RIN3: variants seen among roughly 807,000 people sequenced by gnomAD.
The protein encoded by RIN3 is Ras and Rab interactor 3, also known as RAB5 interacting protein 3.
Under a neutral mutation model 76.3 loss-of-function variants are expected in RIN3, and 54 were observed. The observed-to-expected ratio is 0.71, with a 90% CI of 0.57 to 0.89. The LOEUF is 0.89. RIN3 is among the 40% of genes least tolerant of loss of function. RIN3 has a pLI of 0.00. For missense variants in RIN3, 1,256 were observed against 1,322.1 expected (o/e 0.95, Z 0.78); for synonymous variants, 576 against 564.0 (o/e 1.02, Z -0.30).
intron 1 of RIN3, among the ~76,000 whole-genome samples, chr14:92,537,387 T>C (rs10144991): frequency 0.31 from 47,687 of 152,082 alleles, 8,341 homozygotes; most frequent in Middle Eastern, 0.41. Flanking sequence ...TGGTCCCTTA[T>C]TGATGGACAT....
chr14:92,526,300 T>A (rs887878754), intron 1 of RIN3, among the ~76,000 whole-genome samples: 19 of 151,614 alleles, frequency 1.3e-4, no homozygotes, highest in Admixed American at 1.2e-3. Flanking sequence ...TACTAAAAAA[T>A]TTTTTAAAAT....
At chr14:92,662,078 C>G (rs954660416) in intron 7 of RIN3, among the ~76,000 whole-genome samples, 5 of 152,254 alleles carry the variant, frequency 3.3e-5, no homozygotes, top group African/African-American at 1.2e-4. Context: ...CTGGTCAGCC[C>G]CAGAGGGCTG....
rs568022934 is a variant in RIN3, at chr14:92,637,065, G to A, written c.441-4173G>A. ...CTTTCGTGGAAGACAATTTTTCCAC[G>A]GGCCAGGGGTGGGGTGGGGATGGTT... On this transcript the variant is annotated intron_variant, in intron 4 of 9. Transcript: ENST00000216487. Among the ~76,000 whole-genome samples, 247 of 152,220 alleles carry A rather than the reference G, an allele frequency of 1.6e-3. 1 individual carries two copies. The highest frequency in any genetic ancestry group is 3.1e-3 in the Non-Finnish European group (210 of 68,024).
intron 1 of RIN3, among the ~76,000 whole-genome samples, chr14:92,517,449 G>T (rs1347887204): frequency 6.6e-6 from 1 of 152,166 alleles, no homozygotes; most frequent in East Asian, 1.9e-4. Flanking sequence ...GGGGGCATCT[G>T]TGTGTTCAGA....
chr14:92,519,799 G>A (rs926529340), intron 1 of RIN3, among the ~76,000 whole-genome samples: 11 of 152,342 alleles, frequency 7.2e-5, no homozygotes, highest in African/African-American at 2.2e-4. Context: ...TCCTGCCAGC[G>A]TGGCCTTGAT....
At chr14:92,654,896 T>A (rs908187725) in intron 6 of RIN3, among the ~76,000 whole-genome samples, 3 of 152,008 alleles carry the variant, frequency 2.0e-5, no homozygotes, top group African/African-American at 7.3e-5. Context: ...TAGGGCCGGG[T>A]GCAGTGGCTC....
chr14:92,536,653 A>G (rs1897006620), intron 1 of RIN3, among the ~76,000 whole-genome samples: 1 of 151,692 alleles, frequency 6.6e-6, no homozygotes, highest in South Asian at 2.1e-4. Flanking sequence ...GAAGCAGGAG[A>G]ATCACTTGAA....
intron 1 of RIN3, among the ~76,000 whole-genome samples, chr14:92,551,891 A>G (rs1183335602): frequency 6.6e-6 from 1 of 152,060 alleles, no homozygotes; most frequent in African/African-American, 2.4e-5. Flanking sequence ...AACTTTATCT[A>G]TTTTTTCTTT....
At chr14:92,659,108 G>T in intron 6 of RIN3, 53 bp from the exon 7 acceptor site, 1 of 1,562,564 alleles carries the variant, frequency 6.4e-7, no homozygotes, top group South Asian at 1.1e-5. Context: ...AGAACCAGGT[G>T]GCAGGATCCC....
chr14:92,578,097 G>A (rs1039392961), intron 3 of RIN3, among the ~76,000 whole-genome samples: 3 of 152,018 alleles, frequency 2.0e-5, no homozygotes, highest in Non-Finnish European at 4.4e-5. Flanking sequence ...TAAGCCAGGT[G>A]TGGTGGCATG....
intron 3 of RIN3, among the ~76,000 whole-genome samples, chr14:92,613,544 C>T (rs1885827984): frequency 6.6e-6 from 1 of 152,116 alleles, no homozygotes; most frequent in African/African-American, 2.4e-5. Context: ...GCTAATTGAA[C>T]ACAACATGTT....
intron 3 of RIN3, among the ~76,000 whole-genome samples, chr14:92,608,541 A>ATTT (rs33922410): frequency 8.8e-5 from 13 of 148,314 alleles, no homozygotes; most frequent in African/African-American, 3.2e-4. Flanking sequence ...CTTTTTTAGC[A>ATTT]TTTTTTTTTT....
intron 4 of RIN3, among the ~76,000 whole-genome samples, chr14:92,620,269 C>T (rs536623155): frequency 5.3e-5 from 8 of 152,158 alleles, no homozygotes; most frequent in Non-Finnish European, 4.4e-5. Flanking sequence ...GTGGCCCTAG[C>T]GACCCTGCCT....
chr14:92,591,777 A>G (rs1555386200), intron 3 of RIN3, among the ~76,000 whole-genome samples: 2 of 141,066 alleles, frequency 1.4e-5, no homozygotes, highest in Admixed American at 6.7e-5. Context: ...ACTTTCTCGA[A>G]CAAACAAACA....
At position 92,685,137 on chromosome 14, in the gene RIN3, GCTC is replaced by G; in HGVS notation, c.2623_2625del (p.Ser875del). On this transcript the variant is annotated inframe_deletion, in exon 9 of 10. Coordinates refer to ENST00000216487, the MANE Select transcript of RIN3 (RefSeq NM_024832.5). This position sits in a 1 kb window ranked among gnomAD's most constrained non-coding sequence, Gnocchi z 4.7. ...ACTCTCAACAAGGCCCGGGCCTCCC[GCTC>G]CTCCGTACAGGTGAGGCCTGAGAGC... 1 of 1,611,200 alleles carries G rather than the reference GCTC, an allele frequency of 6.2e-7. No homozygotes were observed. Among genetic ancestry groups the G allele is most frequent in the East Asian group, 2.2e-5 (1 of 44,772 alleles).
intron 7 of RIN3, among the ~76,000 whole-genome samples, chr14:92,663,149 A>G (rs1229666459): frequency 6.6e-6 from 1 of 152,222 alleles, no homozygotes; most frequent in Non-Finnish European, 1.5e-5. Flanking sequence ...GTATGTATTT[A>G]TTGTGTACAA....
At chr14:92,575,366 G>T (rs1175921120) in intron 2 of RIN3, among the ~76,000 whole-genome samples, 1 of 152,116 alleles carries the variant, frequency 6.6e-6, no homozygotes, top group Non-Finnish European at 1.5e-5. Context: ...TCTGACACAA[G>T]AAAGAATTTG....
chr14:92,603,866 G>C (rs976131948), intron 3 of RIN3, among the ~76,000 whole-genome samples: 3 of 152,160 alleles, frequency 2.0e-5, no homozygotes, highest in Non-Finnish European at 2.9e-5. Context: ...CGGGTCCCTG[G>C]GACTCCAAAG....
intron 1 of RIN3, among the ~76,000 whole-genome samples, chr14:92,549,925 C>A (rs1897378216): frequency 6.6e-6 from 1 of 152,224 alleles, no homozygotes; most frequent in African/African-American, 2.4e-5. Context: ...TATCCAAGGT[C>A]CCCGGTTCTG....
Sources: allele counts gnomAD v4.1 joint callset (sites outside exome capture counted in the v4.1 genomes callset), GRCh38; gene constraint gnomAD v4.1.1; non-coding constraint Gnocchi (gnomAD v3.1); transcripts MANE v1.5; gene names NCBI Gene and HGNC (gene_info 2026-07-23, HGNC 2026-07-21).